Variants in MUC7 observed in about 807,000 individuals in gnomAD.
The protein encoded by MUC7 is mucin-7.
MUC7 carries 2 observed loss-of-function variants against 2.5 expected under a neutral mutation model. The ratio of observed to expected loss-of-function variants is 0.81; its 90% CI spans 0.33 to 2.55. The LOEUF (loss-of-function observed/expected upper bound fraction) is 2.55, where lower values mean the gene tolerates loss of function less well. Ranked by LOEUF, MUC7 falls within the 30% of genes most tolerant of loss-of-function variation. The pLI, the probability that MUC7 is intolerant of heterozygous loss-of-function variation, is 0.11. For synonymous variants in MUC7, 133 were observed against 173.4 expected (o/e 0.77, Z 1.83); for missense variants, 408 against 455.6 (o/e 0.90, Z 0.95).
chr4:70,466,533 C>T (rs1398904807), intron 1 of MUC7, among the ~76,000 whole-genome samples: 1 of 151,822 alleles, frequency 6.6e-6, no homozygotes, highest in Non-Finnish European at 1.5e-5. Context: ...TGCAAAGACA[C>T]ACATAGGCTC....
intron 1 of MUC7, among the ~76,000 whole-genome samples, chr4:70,450,877 G>A (rs1237493791): frequency 6.6e-6 from 1 of 152,070 alleles, no homozygotes; most frequent in African/African-American, 2.4e-5. Flanking sequence ...GTAAGAAGGG[G>A]TCTCTTTTCG....
chr4:70,481,842 A>G lies in MUC7; in HGVS notation c.1098A>G (p.Leu366=). 8.7e-6 allele frequency: 14 copies of G among 1,614,078 alleles called. No individual in the cohort carries two copies. Among genetic ancestry groups the G allele is most frequent in the Non-Finnish European group, 1.2e-5 (14 of 1,179,958 alleles). ...ISRFLLYMKN[L]LNRIIDDMVE... ...GATTTCTTTTATATATGAAGAATCT[A>G]CTAAACAGAATTATTGACGACATGG... is the stretch of plus-strand genomic sequence containing the variant. The change falls in exon 3 of 3, where the codon CTA becomes CTG. Residue 366 remains leucine, a synonymous_variant. Coordinates refer to ENST00000304887, the MANE Select transcript of MUC7 (RefSeq NM_152291.3).
At position 70,447,652 on chromosome 4, in the gene MUC7, A is replaced by G. The variant is rs1259875469; in HGVS notation, c.-93+16965A>G. On this transcript the variant is annotated intron_variant, in intron 1 of 3. Transcript: ENST00000413702. ...TTCTTTTTTTAATTGTTTAGTTTTA[A>G]TTTTTGTGAATACATAAGGTGTATA... Among the ~76,000 whole-genome samples the G allele has an allele frequency of 2.6e-5, 4 of 151,990 alleles. No homozygotes were observed. In the East Asian group the frequency reaches 7.7e-4, roughly 29 times the overall value.
chr4:70,440,154 C>G (rs1304407087), intron 1 of MUC7, among the ~76,000 whole-genome samples: 1 of 152,140 alleles, frequency 6.6e-6, no homozygotes, highest in Non-Finnish European at 1.5e-5. Context: ...TGTTTCCTCT[C>G]ATTTCTCTGA....
intron 2 of MUC7, among the ~76,000 whole-genome samples, chr4:70,478,853 A>AGTCAG (rs1735085430): frequency 6.6e-6 from 1 of 152,234 alleles, no homozygotes; most frequent in Non-Finnish European, 1.5e-5. Flanking sequence ...AGATTCCTGG[A>AGTCAG]GTCAGTGTTA....
At chr4:70,439,152 C>T (rs948449397) in intron 1 of MUC7, among the ~76,000 whole-genome samples, 1 of 151,992 alleles carries the variant, frequency 6.6e-6, no homozygotes, top group Non-Finnish European at 1.5e-5. Context: ...TTTCAAAAAG[C>T]CTTTTTAAAG....
intron 1 of MUC7, among the ~76,000 whole-genome samples, chr4:70,439,662 G>A (rs368891182): frequency 6.3e-4 from 95 of 151,884 alleles, no homozygotes; most frequent in Non-Finnish European, 8.7e-4. Context: ...TAATCACCAT[G>A]GACCTATTGT....
At chr4:70,465,363 C>T (rs1734656668) in intron 1 of MUC7, among the ~76,000 whole-genome samples, 1 of 152,178 alleles carries the variant, frequency 6.6e-6, no homozygotes, top group South Asian at 2.1e-4. Context: ...ATCACAACTC[C>T]TTGCCAGCAA....
At chr4:70,436,319 C>T (rs1733831304) in intron 1 of MUC7, among the ~76,000 whole-genome samples, 1 of 152,136 alleles carries the variant, frequency 6.6e-6, no homozygotes. Flanking sequence ...CCATTCTCAC[C>T]ATCACTTTAA....
At chr4:70,451,763 T>C (rs990182852) in intron 1 of MUC7, among the ~76,000 whole-genome samples, 3 of 152,182 alleles carry the variant, frequency 2.0e-5, no homozygotes, top group African/African-American at 7.2e-5. Flanking sequence ...ATTCTGTAAA[T>C]ATGTATTAGG....
chr4:70,433,467 T>C (rs866156658), intron 1 of MUC7, among the ~76,000 whole-genome samples: 2 of 152,200 alleles, frequency 1.3e-5, no homozygotes, highest in African/African-American at 4.8e-5. Context: ...ATTGTATTCT[T>C]AGGTATTTTA....
At position 70,480,798 on chromosome 4, in the gene MUC7, G is replaced by C. The variant is rs1187529038; in HGVS notation, c.55-1G>C. On this transcript the variant is annotated splice_acceptor_variant, in intron 2 of 2. Coordinates refer to ENST00000304887, the MANE Select transcript of MUC7 (RefSeq NM_152291.3). LOFTEE classifies it high-confidence loss of function. ...TCTTACATTTTCTTTCTTTTCTGCA[G>C]TTCAGTGAAGGTCGAGAAAGGGATC... 5.0e-6 allele frequency: 8 copies of C among 1,611,620 alleles called. No individual in the cohort carries two copies. The highest frequency in any genetic ancestry group is 6.8e-6 in the Non-Finnish European group (8 of 1,178,188).
intron 1 of MUC7, among the ~76,000 whole-genome samples, chr4:70,466,851 G>C (rs1056457485): frequency 2.6e-4 from 40 of 152,200 alleles, no homozygotes; most frequent in African/African-American, 9.4e-4. Context: ...CAGATCAACA[G>C]AGACAGAAAA....
At chr4:70,468,096 T>C (rs1734726919), upstream of MUC7, among the ~76,000 whole-genome samples, 1 of 152,148 alleles carries the variant, frequency 6.6e-6, no homozygotes, top group Non-Finnish European at 1.5e-5. Context: ...GCAAGGCTGG[T>C]TCAACATACG....
chr4:70,440,337 C>T (rs1733970313), intron 1 of MUC7, among the ~76,000 whole-genome samples: 1 of 152,132 alleles, frequency 6.6e-6, no homozygotes, highest in Non-Finnish European at 1.5e-5. Context: ...GAATTTCATG[C>T]TCCAGTGGAG....
chr4:70,475,045 A>C (rs1734956051), intron 2 of MUC7, among the ~76,000 whole-genome samples: 3 of 152,232 alleles, frequency 2.0e-5, no homozygotes, highest in African/African-American at 7.2e-5. Context: ...TTCGGAGGCC[A>C]AGGCAGGTGG....
intron 2 of MUC7, among the ~76,000 whole-genome samples, chr4:70,474,847 G>A (rs906280651): frequency 1.3e-5 from 2 of 152,178 alleles, no homozygotes; most frequent in Non-Finnish European, 2.9e-5. Flanking sequence ...TAGTCAGGAA[G>A]CTATGGCAGT....
At chr4:70,442,456 C>T (rs1734032408) in intron 1 of MUC7, among the ~76,000 whole-genome samples, 1 of 152,156 alleles carries the variant, frequency 6.6e-6, no homozygotes, top group Non-Finnish European at 1.5e-5. Flanking sequence ...ACCACCCCAA[C>T]AGTGGTCATG....
Position 70,475,209 on chromosome 4 carries a change from G to T in MUC7, c.54+1134G>T, listed in dbSNP as rs1734961896. 2.0e-5 allele frequency among the ~76,000 whole-genome samples: 3 copies of T among 152,058 alleles called. No homozygotes were observed. In the South Asian group the frequency reaches 6.2e-4, roughly 32 times the overall value. ...CAGGAGAATTGCTCGAACCTGGGAG[G>T]CAGAGTTTGCAGTGAGCCGAGATTG... On this transcript the variant is annotated intron_variant, in intron 2 of 2. Transcript: ENST00000304887.
Sources: gnomAD v4.1 joint callset for allele counts (sites outside exome capture counted in the v4.1 genomes callset) on GRCh38, gnomAD v4.1.1 for gene constraint, MANE v1.5 for transcripts, NCBI Gene and HGNC (gene_info 2026-07-23, HGNC 2026-07-21) for gene names.